HP1BP3: variants seen among roughly 807,000 people sequenced by gnomAD.
HP1BP3 encodes the protein heterochromatin protein 1 binding protein 3, also known as heterochromatin protein 1-binding protein 3.
Under a neutral mutation model 62.5 loss-of-function variants are expected in HP1BP3, and 12 were observed. That is an observed-to-expected ratio of 0.19 (90% confidence interval 0.12 to 0.31). The LOEUF is 0.31. Among genes scored for constraint, HP1BP3 ranks in the 10% least tolerant of loss-of-function variants. HP1BP3 has a pLI of 1.00. For missense variants in HP1BP3, 502 were observed against 651.8 expected (o/e 0.77, Z 2.50); for synonymous variants, 260 against 237.8 (o/e 1.09, Z -0.86).
Position 20,744,888 on chromosome 1 carries a change from G to C in HP1BP3, c.1571C>G (p.Ser524Ter). Residue 524 changes from serine (S) to a stop codon, truncating the protein, a stop_gained, in exon 13 of 13, where the codon TCA becomes TGA. Coordinates refer to ENST00000438032, the MANE Select transcript of HP1BP3 (RefSeq NM_001372052.1). LOFTEE classifies it high-confidence loss of function. Reference sequence around the variant, plus strand: ...TCTTGCACTGGTTGCAGGCTTCTTTGAGGAGCCACCACTAGGTTTCTTGAT... The same window carrying C: ...TCTTGCACTGGTTGCAGGCTTCTTTCAGGAGCCACCACTAGGTTTCTTGAT... Reference protein sequence around the residue: ...TVIKKPSGGSSKKPATSARKE... With the variant: ...TVIKKPSGGS 7 of 1,614,144 alleles carry C rather than the reference G, an allele frequency of 4.3e-6. No homozygotes were observed. The highest frequency in any genetic ancestry group is 1.7e-6 in the Non-Finnish European group (2 of 1,180,010).
At chr1:20,776,282 T>C in intron 4 of HP1BP3, 1 of 431,110 alleles carries the variant, frequency 2.3e-6, no homozygotes, top group East Asian at 3.7e-5. Context: ...TAGTTATGTT[T>C]CATTTCTTAT....
intron 9 of HP1BP3, among the ~76,000 whole-genome samples, chr1:20,753,664 A>G (rs1295430423): frequency 6.6e-6 from 1 of 152,252 alleles, no homozygotes. Context: ...CAGTCCAAGA[A>G]ATTCACTGAT....
chr1:20,775,560 G>A, intron 4 of HP1BP3: 1 of 160,186 alleles, frequency 6.2e-6, no homozygotes, highest in Non-Finnish European at 1.4e-5. Flanking sequence ...GCACACAGTA[G>A]TCCTAGGCCT....
intron 6 of HP1BP3, among the ~76,000 whole-genome samples, chr1:20,769,275 A>T (rs2056940624): frequency 6.6e-6 from 1 of 152,064 alleles, no homozygotes; most frequent in South Asian, 2.1e-4. Flanking sequence ...TTTTTTGTAA[A>T]GGCTGGGCAT....
intron 8 of HP1BP3, among the ~76,000 whole-genome samples, chr1:20,759,814 G>C (rs566799901): frequency 6.6e-6 from 1 of 151,808 alleles, no homozygotes; most frequent in Admixed American, 6.6e-5. Context: ...GTGAGAGAGT[G>C]AAGAGGAGTA....
chr1:20,754,841 T>C (rs1254664664), intron 9 of HP1BP3, among the ~76,000 whole-genome samples: 3 of 152,194 alleles, frequency 2.0e-5, no homozygotes, highest in Admixed American at 6.5e-5. Context: ...CAGACCTAAA[T>C]GTAGGAGCCA....
At position 20,753,357 on chromosome 1, in the gene HP1BP3, AT is replaced by A. The variant is rs58238899; in HGVS notation, c.982-3476del. 5.1e-3 allele frequency among the ~76,000 whole-genome samples: 779 copies of A among 152,352 alleles called. 7 individuals are homozygous for A. The highest frequency in any genetic ancestry group is 0.018 in the African/African-American group (745 of 41,574). ...CTAAAAGAGCCTGTCATGTAAAAAA[AT>A]AATAGTATTTGTTGCCAATGATAAA... On this transcript the variant is annotated intron_variant, in intron 9 of 12. Transcript: ENST00000438032.
rs902959684 is a variant in HP1BP3 at position 20,765,406 on chromosome 1, C to T, written c.861G>A (p.Gln287=). 2.5e-5 allele frequency: 40 copies of T among 1,612,930 alleles called. No homozygotes were observed. In the Middle Eastern group the frequency reaches 4.9e-4, roughly 20 times the overall value. Residue 287 remains glutamine, a synonymous_variant, in exon 8 of 13, where the codon CAG becomes CAA. Transcript: ENST00000438032. The stretch of plus-strand genomic sequence containing the variant: ...TGTCCACTCTAAGCTTAGGATAATA[C>T]TGAGACACATATTTCCTGATGAGAC... ...SYSLIRKYVS[Q]YYPKLRVDIR...
chr1:20,747,967 T>C (rs971178880), intron 10 of HP1BP3, among the ~76,000 whole-genome samples: 3 of 152,170 alleles, frequency 2.0e-5, no homozygotes, highest in Non-Finnish European at 4.4e-5. Context: ...TACTCCCACC[T>C]TGGCTTCCCA....
intron 7 of HP1BP3, among the ~76,000 whole-genome samples, chr1:20,765,744 G>A (rs2056749341): frequency 6.6e-6 from 1 of 152,004 alleles, no homozygotes; most frequent in African/African-American, 2.4e-5. Context: ...GCCGAGGTGG[G>A]CAGATCACCT....
In HP1BP3 at chr1:20,745,015, T is replaced by C. The variant is rs762680839; in HGVS notation, c.1444A>G (p.Lys482Glu). 6 of 1,614,176 alleles carry C rather than the reference T, an allele frequency of 3.7e-6. No individual in the cohort carries two copies. In the South Asian group the frequency reaches 5.5e-5, roughly 15 times the overall value. Residue 482 changes from lysine (K) to glutamate (E), a missense_variant, in exon 13 of 13, where the codon AAA becomes GAA. Physicochemically the swap from Lys to Glu is moderately conservative, Grantham distance 56 (BLOSUM62 1). Transcript: ENST00000438032. ...VKQRGSKPAPKVSAAQRGKAR... is the reference protein window; with the variant it reads ...VKQRGSKPAPEVSAAQRGKAR... The stretch of plus-strand genomic sequence containing the variant: ...TTCCCCCGCTGGGCAGCTGAGACTT[T>C]AGGTGCAGGTTTGGACCCTCTCTGC...
At chr1:20,778,940 C>A (rs534439622) in intron 3 of HP1BP3, among the ~76,000 whole-genome samples, 1 of 152,210 alleles carries the variant, frequency 6.6e-6, no homozygotes, top group African/African-American at 2.4e-5. Flanking sequence ...CAGGCATGCA[C>A]CACCATGCCC....
rs2055109984 is a variant in HP1BP3 at position 20,742,495 on chromosome 1, G to A, written c.*2302C>T. 6.6e-6 allele frequency among the ~76,000 whole-genome samples: 1 copy of A among 152,114 alleles called. No individual in the cohort carries two copies. The highest frequency in any genetic ancestry group is 2.4e-5 in the African/African-American group (1 of 41,420). On this transcript the variant is annotated 3_prime_UTR_variant, in exon 13 of 13. Transcript: ENST00000438032. ...ATTCATTAAGTAATTAGCATTCAAT[G>A]TATCTGGAAACATCGTTTACCCTCT...
chr1:20,742,193 T>C lies in HP1BP3; in HGVS notation c.*2604A>G, dbSNP rs2055101801. On this transcript the variant is annotated 3_prime_UTR_variant, in exon 13 of 13. Transcript: ENST00000438032. Reference sequence around the variant, plus strand: ...CATAAAGCAAAGAAACCAACCAAAATCTCCCAACTTTTGATTCCAGAAGAG... The same window carrying C: ...CATAAAGCAAAGAAACCAACCAAAACCTCCCAACTTTTGATTCCAGAAGAG... Among the ~76,000 whole-genome samples the C allele has an allele frequency of 6.6e-6, 1 of 152,096 alleles. No individual in the cohort carries two copies. The highest frequency in any genetic ancestry group is 1.5e-5 in the Non-Finnish European group (1 of 68,008).
Position 20,764,511 on chromosome 1 carries a change from G to GT in HP1BP3, c.890+865dup, listed in dbSNP as rs908590315. Reference sequence around the variant, plus strand: ...CATGCCCACCACCACAGCCAGCCTAGTTTTTTTTTTGTTTTTTTTCTTTTA... The same window carrying GT: ...CATGCCCACCACCACAGCCAGCCTAGTTTTTTTTTTTGTTTTTTTTCTTTTA... On this transcript the variant is annotated intron_variant, in intron 8 of 12. Coordinates refer to ENST00000438032, the MANE Select transcript of HP1BP3 (RefSeq NM_001372052.1). Among the ~76,000 whole-genome samples, 190 of 145,700 alleles carry GT rather than the reference G, an allele frequency of 1.3e-3. 1 individual carries two copies. Among genetic ancestry groups the GT allele is most frequent in the African/African-American group, 2.2e-3 (88 of 39,802 alleles).
At chr1:20,750,518 TTCTG>T (rs1411116074) in intron 9 of HP1BP3, among the ~76,000 whole-genome samples, 1 of 151,710 alleles carries the variant, frequency 6.6e-6, no homozygotes, top group East Asian at 1.9e-4. Flanking sequence ...CAGAGTAAGA[TTCTG>T]TCTAAAAAAA....
intron 10 of HP1BP3, 22 bp downstream of exon 10, chr1:20,749,701 A>T: frequency 6.3e-7 from 1 of 1,594,778 alleles, no homozygotes; most frequent in Non-Finnish European, 8.5e-7. Context: ...ATCCCAGTTA[A>T]ATATACACAA....
At chr1:20,745,194 A>G in intron 12 of HP1BP3, 103 bp from the exon 13 acceptor site, 1 of 1,301,154 alleles carries the variant, frequency 7.7e-7, no homozygotes. Context: ...TGAAGTGGTC[A>G]CTTACGTTAA....
intron 10 of HP1BP3, among the ~76,000 whole-genome samples, chr1:20,748,927 A>G (rs1434161347): frequency 2.0e-5 from 3 of 152,230 alleles, no homozygotes; most frequent in Non-Finnish European, 2.9e-5. Context: ...GATAATGCTG[A>G]TAAGGCAGGG....
Sources: allele counts gnomAD v4.1 joint callset (sites outside exome capture counted in the v4.1 genomes callset), GRCh38; gene constraint gnomAD v4.1.1; transcripts MANE v1.5; gene names NCBI Gene and HGNC (gene_info 2026-07-23, HGNC 2026-07-21).